MAGI1: variants seen among roughly 807,000 people sequenced by gnomAD.
MAGI1 encodes membrane associated guanylate kinase, WW and PDZ domain containing 1.
In MAGI1, 58 loss-of-function variants were observed where a neutral mutation model predicts 139.9. The ratio of observed to expected loss-of-function variants is 0.41; its 90% CI spans 0.34 to 0.52. MAGI1 has a LOEUF of 0.52. MAGI1 is among the 20% of genes least tolerant of loss of function. The probability of loss-of-function intolerance (pLI) is 0.12; values close to 1 mark genes in which losing one functional copy is unlikely to be tolerated. For synonymous variants in MAGI1, 812 were observed against 737.9 expected (o/e 1.10, Z -1.63); for missense variants, 1,874 against 1,901.6 (o/e 0.99, Z 0.27).
At chr3:65,471,330 A>C (rs967666173) in intron 4 of MAGI1, among the ~76,000 whole-genome samples, 3 of 152,318 alleles carry the variant, frequency 2.0e-5, no homozygotes, top group Admixed American at 1.3e-4. Context: ...ACAGGGCTTT[A>C]AAACTGAATA....
At chr3:65,433,222 T>A (rs916401927) in intron 10 of MAGI1, among the ~76,000 whole-genome samples, 2 of 152,324 alleles carry the variant, frequency 1.3e-5, no homozygotes, top group East Asian at 1.9e-4. Context: ...ATATTTATCA[T>A]GTCTTTGAGA....
intron 2 of MAGI1, among the ~76,000 whole-genome samples, chr3:65,604,207 T>C (rs548485087): frequency 2.6e-5 from 4 of 151,590 alleles, no homozygotes; most frequent in East Asian, 1.9e-4. Flanking sequence ...AAAAAAAGTA[T>C]CTGAGGATCA....
chr3:65,692,231 A>C (rs1189291286), intron 1 of MAGI1, among the ~76,000 whole-genome samples: 2 of 152,194 alleles, frequency 1.3e-5, no homozygotes, highest in Non-Finnish European at 2.9e-5. Flanking sequence ...GCGATACAAA[A>C]TCCATGTTTT....
At chr3:65,709,188 G>C (rs759088830) in intron 1 of MAGI1, among the ~76,000 whole-genome samples, 1 of 152,072 alleles carries the variant, frequency 6.6e-6, no homozygotes. Flanking sequence ...CATCATTCTC[G>C]CTTGGTTTTT....
At chr3:65,776,176 G>T (rs182796857) in intron 1 of MAGI1, among the ~76,000 whole-genome samples, 142 of 149,812 alleles carry the variant, frequency 9.5e-4, no homozygotes, top group African/African-American at 3.2e-3. Flanking sequence ...GGTGCAGAAA[G>T]TATTTTAAAA....
intron 2 of MAGI1, among the ~76,000 whole-genome samples, chr3:65,581,367 A>G (rs1253252035): frequency 3.9e-5 from 6 of 152,178 alleles, no homozygotes; most frequent in Non-Finnish European, 7.3e-5. Context: ...TGTACAAGAA[A>G]AAAAAAGGCA....
At chr3:65,427,297 G>C (rs1034046829) in intron 12 of MAGI1, among the ~76,000 whole-genome samples, 1 of 152,126 alleles carries the variant, frequency 6.6e-6, no homozygotes, top group African/African-American at 2.4e-5. Context: ...GGGTGACAAA[G>C]TGAGACCCTG....
intron 1 of MAGI1, among the ~76,000 whole-genome samples, chr3:65,702,527 C>T (rs963629803): frequency 1.3e-5 from 2 of 152,156 alleles, no homozygotes; most frequent in Non-Finnish European, 2.9e-5. Context: ...CTAGCCTCTT[C>T]TCACTTTCTA....
At chr3:65,788,394 C>G (rs145715639) in intron 1 of MAGI1, among the ~76,000 whole-genome samples, 16 of 152,322 alleles carry the variant, frequency 1.1e-4, no homozygotes, top group African/African-American at 3.8e-4. Context: ...TACTTGCCAC[C>G]ATAACAGCTG....
At chr3:65,788,170 C>T (rs1020997995) in intron 1 of MAGI1, among the ~76,000 whole-genome samples, 1 of 152,172 alleles carries the variant, frequency 6.6e-6, no homozygotes, top group Non-Finnish European at 1.5e-5. Flanking sequence ...CTCCAAAAGC[C>T]CATGAGGGCA....
chr3:66,024,534 C>T lies in MAGI1; in HGVS notation c.313+13462G>A, dbSNP rs1192785467. ...ATACTACTCAGTATCCAGCCGGGCGCGGTGGCTCACGCCTGTAATCCCAGC... is the reference window on the plus strand; with the variant it reads ...ATACTACTCAGTATCCAGCCGGGCGTGGTGGCTCACGCCTGTAATCCCAGC... On this transcript the variant is annotated intron_variant, in intron 1 of 22. Coordinates refer to ENST00000402939, the MANE Select transcript of MAGI1 (RefSeq NM_001033057.2). Among the ~76,000 whole-genome samples the T allele has an allele frequency of 2.6e-5, 4 of 152,038 alleles. No homozygotes were observed. The East Asian group carries it at 7.7e-4, about 29-fold the overall frequency.
intron 1 of MAGI1, among the ~76,000 whole-genome samples, chr3:65,795,753 A>T (rs1577149066): frequency 6.6e-6 from 1 of 151,784 alleles, no homozygotes; most frequent in East Asian, 2.0e-4. Flanking sequence ...ATAGAGATTT[A>T]AGAAATTGGT....
At chr3:65,708,206 T>G (rs1241442639) in intron 1 of MAGI1, among the ~76,000 whole-genome samples, 5 of 152,210 alleles carry the variant, frequency 3.3e-5, no homozygotes, top group African/African-American at 1.2e-4. Context: ...CAACCTGGCT[T>G]TTCCCCCCTT....
At chr3:65,719,299 G>A (rs1413635058) in intron 1 of MAGI1, among the ~76,000 whole-genome samples, 2 of 151,426 alleles carry the variant, frequency 1.3e-5, no homozygotes, top group Admixed American at 1.3e-4. Context: ...GTGTGTGTGT[G>A]TGTGTATATA....
intron 2 of MAGI1, among the ~76,000 whole-genome samples, chr3:65,496,884 T>G (rs1281179980): frequency 6.6e-6 from 1 of 152,160 alleles, no homozygotes; most frequent in African/African-American, 2.4e-5. Flanking sequence ...AAGACAGAAC[T>G]AATAGAACTT....
chr3:65,360,645 A>G, intron 22 of MAGI1: 1 of 986,090 alleles, frequency 1.0e-6, no homozygotes, highest in Non-Finnish European at 1.2e-6. Context: ...GTTTGATAGT[A>G]GTGGGCTCAG....
At chr3:65,591,601 C>T (rs769540139) in intron 2 of MAGI1, among the ~76,000 whole-genome samples, 4 of 152,284 alleles carry the variant, frequency 2.6e-5, no homozygotes, top group Non-Finnish European at 2.9e-5. Context: ...TGGATCAAGA[C>T]TCTGCAATGG....
chr3:65,387,083 T>G, intron 14 of MAGI1: 4 of 1,459,518 alleles, frequency 2.7e-6, no homozygotes, highest in Non-Finnish European at 3.8e-6. Flanking sequence ...CCCAGACCAA[T>G]GAGAACATCA....
rs1940180895 is a variant in MAGI1 at position 65,356,099 on chromosome 3, C to CA, written c.*278_*279insT. On this transcript the variant is annotated 3_prime_UTR_variant, in exon 23 of 23. Coordinates refer to ENST00000402939, the MANE Select transcript of MAGI1 (RefSeq NM_001033057.2). Reference sequence around the variant, plus strand: ...CAATTCTTGACGATTCTACAGGTTACGTAGAAACAAAATTTATATCCCTTT... The same window carrying CA: ...CAATTCTTGACGATTCTACAGGTTACAGTAGAAACAAAATTTATATCCCTTT... The CA allele has an allele frequency of 1.5e-5, 4 of 265,722 alleles. No individual in the cohort carries two copies. The highest frequency in any genetic ancestry group is 2.8e-5 in the Non-Finnish European group (4 of 143,710). The allele number at this position is 265,722 out of a possible 1,614,324, so 16.5% of individuals were successfully genotyped here. A position where few individuals can be genotyped will look rare whatever the true frequency, so the allele number is the denominator to read the frequency against.
Sources: gnomAD v4.1 joint callset for allele counts (sites outside exome capture counted in the v4.1 genomes callset) on GRCh38, gnomAD v4.1.1 for gene constraint, MANE v1.5 for transcripts, NCBI Gene and HGNC (gene_info 2026-07-23, HGNC 2026-07-21) for gene names.